The following DPY19L2 variants were observed in gnomAD, a reference collection of about 807,000 sequenced individuals.
The protein encoded by DPY19L2 is probable C-mannosyltransferase DPY19L2.
Under a neutral mutation model 97.9 loss-of-function variants are expected in DPY19L2, and 34 were observed. That is an observed-to-expected ratio of 0.35 (90% confidence interval 0.26 to 0.46). The LOEUF is 0.46. Among genes scored for constraint, DPY19L2 ranks in the 20% least tolerant of loss-of-function variants. The pLI is 1.00. For missense variants in DPY19L2, 623 were observed against 911.4 expected, an observed-to-expected ratio of 0.68 and a Z score of 4.07; for synonymous variants, 230 against 307.9, an observed-to-expected ratio of 0.75 and a Z score of 2.65.
intron 7 of DPY19L2, among the ~76,000 whole-genome samples, chr12:63,626,212 C>T (rs1889511338): frequency 6.6e-6 from 1 of 151,236 alleles, no homozygotes; most frequent in Non-Finnish European, 1.5e-5. Flanking sequence ...TCAACAAGTA[C>T]AATATTTCCT....
At chr12:63,624,307 G>T (rs1889176557) in intron 7 of DPY19L2, among the ~76,000 whole-genome samples, 176 bp from the exon 8 acceptor site, 2 of 151,958 alleles carry the variant, frequency 1.3e-5, no homozygotes, top group African/African-American at 4.8e-5. Flanking sequence ...CCATTATGTA[G>T]ACAGCAATTA....
chr12:63,580,606 C>T (rs1880699394), intron 19 of DPY19L2, 56 bp downstream of exon 19: 2 of 1,481,450 alleles, frequency 1.4e-6, no homozygotes, highest in Non-Finnish European at 1.8e-6. Flanking sequence ...ATATAGTATA[C>T]ACAAATGTGT....
At chr12:63,591,972 AAAAGAGG>A (rs1883030349) in intron 16 of DPY19L2, among the ~76,000 whole-genome samples, 1 of 98,840 alleles carries the variant, frequency 1.0e-5, no homozygotes, top group African/African-American at 4.1e-5. Context: ...AAAAGAAAAG[AAAAGAGG>A]GGAAGGGAAG....
intron 11 of DPY19L2, among the ~76,000 whole-genome samples, chr12:63,610,093 G>GAA (rs3042403): frequency 7.3e-5 from 8 of 110,156 alleles, no homozygotes; most frequent in South Asian, 3.0e-4. Context: ...GTTGTTAAAT[G>GAA]AAAAAAAAAA....
intron 16 of DPY19L2, among the ~76,000 whole-genome samples, chr12:63,586,312 C>G (rs1881793309): frequency 6.6e-6 from 1 of 152,038 alleles, no homozygotes; most frequent in Non-Finnish European, 1.5e-5. Flanking sequence ...AGAAAGCATG[C>G]CAATTCTACA....
chr12:63,604,427 A>C (rs541317569), intron 12 of DPY19L2, among the ~76,000 whole-genome samples: 1 of 152,248 alleles, frequency 6.6e-6, no homozygotes, highest in East Asian at 1.9e-4. Context: ...ACTTCTTAAA[A>C]TACTATTCAG....
chr12:63,631,368 A>T (rs1307655521), intron 6 of DPY19L2, among the ~76,000 whole-genome samples: 1 of 152,158 alleles, frequency 6.6e-6, no homozygotes, highest in Non-Finnish European at 1.5e-5. Context: ...GCAATAAAAA[A>T]TGATAAAGGG....
chr12:63,589,683 A>C (rs112452833), intron 16 of DPY19L2, among the ~76,000 whole-genome samples: 2,079 of 152,306 alleles, frequency 0.014, 51 homozygotes, highest in African/African-American at 0.047. Context: ...TCTAAGCAAC[A>C]TATGAACCCA....
intron 19 of DPY19L2, among the ~76,000 whole-genome samples, chr12:63,579,794 G>A (rs1880545096): frequency 6.6e-6 from 1 of 152,014 alleles, no homozygotes; most frequent in African/African-American, 2.4e-5. Flanking sequence ...GAAAGCTATA[G>A]ACCAAGTATC....
At chr12:63,655,096 T>C (rs1459146134) in intron 4 of DPY19L2, among the ~76,000 whole-genome samples, 1 of 152,022 alleles carries the variant, frequency 6.6e-6, no homozygotes, top group Admixed American at 6.6e-5. Context: ...ATAATTAGCA[T>C]CTATAATATA....
At chr12:63,633,540 C>T (rs1328375063) in intron 6 of DPY19L2, among the ~76,000 whole-genome samples, 11 of 152,048 alleles carry the variant, frequency 7.2e-5, no homozygotes, top group African/African-American at 1.7e-4. Flanking sequence ...GTTAGAATGG[C>T]GATCATTAAA....
chr12:63,575,133 T>C (rs1431983061), intron 19 of DPY19L2, among the ~76,000 whole-genome samples: 2 of 87,442 alleles, frequency 2.3e-5, no homozygotes, highest in African/African-American at 6.8e-5. Flanking sequence ...CTGACCACAA[T>C]GGAAAAAAAA....
intron 7 of DPY19L2, among the ~76,000 whole-genome samples, chr12:63,624,821 T>G (rs924067400): frequency 4.6e-5 from 7 of 152,134 alleles, no homozygotes; most frequent in African/African-American, 1.7e-4. Flanking sequence ...GAATGTGAAC[T>G]CTTATTACTT....
chr12:63,561,621 T>C (rs1349423679), intron 21 of DPY19L2, among the ~76,000 whole-genome samples: 1 of 151,618 alleles, frequency 6.6e-6, no homozygotes, highest in Admixed American at 6.6e-5. Context: ...TCCTTCCTTT[T>C]TGTTGCTAAA....
At chr12:63,609,241 G>A (rs1198104475) in intron 11 of DPY19L2, among the ~76,000 whole-genome samples, 1 of 152,042 alleles carries the variant, frequency 6.6e-6, no homozygotes, top group Non-Finnish European at 1.5e-5. Flanking sequence ...TATTGTAAGG[G>A]GAGGGCAGCA....
At chr12:63,565,341 G>T (rs1392599915) in intron 21 of DPY19L2, among the ~76,000 whole-genome samples, 2 of 152,106 alleles carry the variant, frequency 1.3e-5, no homozygotes, top group Non-Finnish European at 2.9e-5. Context: ...TCCTTCAGGA[G>T]GCTCTAGAAG....
intron 21 of DPY19L2, among the ~76,000 whole-genome samples, chr12:63,564,805 A>G (rs1035720631): frequency 2.0e-5 from 3 of 151,992 alleles, no homozygotes; most frequent in African/African-American, 7.3e-5. Context: ...TTGTTCTACA[A>G]ATTATTTAGA....
chr12:63,596,244 A>C (rs1884214307), intron 14 of DPY19L2, among the ~76,000 whole-genome samples: 1 of 151,976 alleles, frequency 6.6e-6, no homozygotes. Flanking sequence ...GTATTCCAAA[A>C]ATTTAATGAA....
intron 16 of DPY19L2, among the ~76,000 whole-genome samples, chr12:63,593,436 T>C (rs11175060): frequency 0.19 from 28,741 of 151,764 alleles, 3,980 homozygotes; most frequent in African/African-American, 0.41. Flanking sequence ...GTGGCACATA[T>C]ACACCATGGA....
Sources: allele counts gnomAD v4.1 joint callset (sites outside exome capture counted in the v4.1 genomes callset), GRCh38; gene constraint gnomAD v4.1.1; transcripts MANE v1.5; gene names NCBI Gene and HGNC (gene_info 2026-07-23, HGNC 2026-07-21).